NREP: variants seen among roughly 807,000 people sequenced by gnomAD.
The protein encoded by NREP is neuronal regeneration-related protein.
NREP carries 5 observed loss-of-function variants against 8.6 expected under a neutral mutation model. The observed-to-expected ratio is 0.58, with a 90% confidence interval of 0.30 to 1.22. NREP has a LOEUF of 1.22. NREP is among the 50% of genes most tolerant of loss of function. The probability of loss-of-function intolerance (pLI) is 0.07; values close to 1 mark genes in which losing one functional copy is unlikely to be tolerated. For missense variants in NREP, 86 were observed against 82.5 expected, an observed-to-expected ratio of 1.04 and a Z score of -0.17; for synonymous variants, 27 against 28.0, an observed-to-expected ratio of 0.96 and a Z score of 0.11.
intron 2 of NREP, among the ~76,000 whole-genome samples, chr5:111,806,546 G>A (rs1465304579): frequency 6.6e-6 from 1 of 152,138 alleles, no homozygotes; most frequent in Non-Finnish European, 1.5e-5. Flanking sequence ...TTGGGGGAGA[G>A]GTGAGTTACT....
intron 2 of NREP, among the ~76,000 whole-genome samples, chr5:111,781,171 A>C (rs1008608665): frequency 6.6e-6 from 1 of 152,022 alleles, no homozygotes; most frequent in Non-Finnish European, 1.5e-5. Flanking sequence ...GATAGGCCCC[A>C]GTGTCTGTTT....
intron 2 of NREP, among the ~76,000 whole-genome samples, chr5:111,778,183 A>C (rs952352592): frequency 6.6e-6 from 1 of 152,154 alleles, no homozygotes; most frequent in Admixed American, 6.5e-5. Context: ...TCCAGCCAGC[A>C]CATCAAACTC....
At chr5:111,830,155 T>C (rs181607985) in intron 2 of NREP, among the ~76,000 whole-genome samples, 4,520 of 151,170 alleles carry the variant, frequency 0.03, 143 homozygotes, top group East Asian at 0.12. Flanking sequence ...TTTCAGCTGT[T>C]TTTTTTGTTG....
At chr5:111,956,368 T>C (rs1342852063) in intron 2 of NREP, among the ~76,000 whole-genome samples, 1 of 152,092 alleles carries the variant, frequency 6.6e-6, no homozygotes, top group East Asian at 1.9e-4. Context: ...AAAATACTTT[T>C]TATGAAACCG....
intron 2 of NREP, among the ~76,000 whole-genome samples, chr5:111,855,060 G>T (rs1347924844): frequency 2.0e-5 from 3 of 151,448 alleles, no homozygotes; most frequent in Admixed American, 2.0e-4. Context: ...TGAATGAGTG[G>T]GTACATTTTT....
At chr5:111,941,477 T>C (rs555919984) in intron 2 of NREP, among the ~76,000 whole-genome samples, 1 of 152,212 alleles carries the variant, frequency 6.6e-6, no homozygotes, top group South Asian at 2.1e-4. Flanking sequence ...CATCTTCACA[T>C]GGTCTTTCCT....
chr5:111,877,935 G>T (rs1163030625), intron 2 of NREP, among the ~76,000 whole-genome samples: 1 of 152,172 alleles, frequency 6.6e-6, no homozygotes, highest in Admixed American at 6.5e-5. Context: ...GTGAAAGAGA[G>T]GGACAACTGA....
intron 2 of NREP, among the ~76,000 whole-genome samples, chr5:111,813,131 C>T (rs571823261): frequency 6.6e-6 from 1 of 152,196 alleles, no homozygotes; most frequent in East Asian, 1.9e-4. Flanking sequence ...CCTTATCAAG[C>T]CCATTTTATA....
At chr5:111,752,075 ATATTTTAGAAGTATATTTTCC>A (rs963660532) in intron 2 of NREP, among the ~76,000 whole-genome samples, 5 of 152,238 alleles carry the variant, frequency 3.3e-5, no homozygotes, top group African/African-American at 1.2e-4. Flanking sequence ...CAGAGTATTC[ATATTTTAGAAGTATATTTTCC>A]TATTTTAGAA....
In NREP at chr5:111,851,117, T is replaced by C. The variant is rs1034938501; in HGVS notation, c.136-115610A>G. 2.0e-5 allele frequency among the ~76,000 whole-genome samples: 3 copies of C among 152,206 alleles called. No individual in the cohort carries two copies. In the East Asian group the frequency reaches 5.8e-4, roughly 29 times the overall value. On this transcript the variant is annotated intron_variant, in intron 2 of 3. Coordinates refer to the NREP transcript ENST00000395634. ...GTCACAATGTCTAAGATATAGTTTCTTCTGCCTCAGGGTGACTATGCTCAG... is the reference window on the plus strand; with the variant it reads ...GTCACAATGTCTAAGATATAGTTTCCTCTGCCTCAGGGTGACTATGCTCAG...
At chr5:111,792,803 G>A (rs972767513) in intron 2 of NREP, among the ~76,000 whole-genome samples, 4 of 152,194 alleles carry the variant, frequency 2.6e-5, no homozygotes, top group African/African-American at 7.2e-5. Flanking sequence ...ATTTCTGCTG[G>A]TGATTCAACC....
At chr5:111,737,200 C>T (rs1320451410) in intron 2 of NREP, among the ~76,000 whole-genome samples, 1 of 152,158 alleles carries the variant, frequency 6.6e-6, no homozygotes, top group Non-Finnish European at 1.5e-5. Flanking sequence ...CTGACATTTC[C>T]TTTATCCAGG....
chr5:111,859,238 G>T (rs1753492869), intron 2 of NREP, among the ~76,000 whole-genome samples: 1 of 152,106 alleles, frequency 6.6e-6, no homozygotes, highest in Non-Finnish European at 1.5e-5. Flanking sequence ...AACAAAGATT[G>T]TTGTCTTTGG....
intron 2 of NREP, among the ~76,000 whole-genome samples, chr5:111,868,249 A>T (rs745898516): frequency 6.6e-6 from 1 of 152,140 alleles, no homozygotes; most frequent in Non-Finnish European, 1.5e-5. Flanking sequence ...CAACTAAAAA[A>T]AGTTATAGCT....
rs72786266 is a variant in NREP, at chr5:111,916,873, C to T, written c.135+58401G>A. Among the ~76,000 whole-genome samples, 1,037 of 151,992 alleles carry T rather than the reference C, an allele frequency of 6.8e-3. 7 individuals are homozygous for T. The highest frequency in any genetic ancestry group is 0.011 in the Non-Finnish European group (737 of 67,954). On this transcript the variant is annotated intron_variant, in intron 2 of 3. Transcript: ENST00000395634. ...TCTTGCCTCCTCAGAAGAAAGAACT[C>T]GACTGAGGGGCATGAGGCAGATAAA...
At chr5:111,773,071 T>A (rs1287515924) in intron 2 of NREP, among the ~76,000 whole-genome samples, 2 of 152,186 alleles carry the variant, frequency 1.3e-5, no homozygotes, top group African/African-American at 4.8e-5. Flanking sequence ...CTAGCTGTAA[T>A]CCCAACAGAC....
At chr5:111,889,196 A>G (rs895975805) in intron 2 of NREP, among the ~76,000 whole-genome samples, 33 of 152,196 alleles carry the variant, frequency 2.2e-4, no homozygotes, top group African/African-American at 6.8e-4. Flanking sequence ...GCTTCTGGGG[A>G]GGCCCCAGGA....
chr5:111,911,746 T>A (rs1008950670), intron 2 of NREP, among the ~76,000 whole-genome samples: 1 of 152,104 alleles, frequency 6.6e-6, no homozygotes, highest in Admixed American at 6.6e-5. Context: ...GACATAAAAA[T>A]AGACACCAAT....
chr5:111,781,474 T>C (rs990610428), intron 2 of NREP, among the ~76,000 whole-genome samples: 4 of 152,146 alleles, frequency 2.6e-5, no homozygotes, highest in African/African-American at 9.7e-5. Context: ...GTTCCCAGTC[T>C]TGGAGTTTTG....
Sources: allele counts gnomAD v4.1 joint callset (sites outside exome capture counted in the v4.1 genomes callset), GRCh38; gene constraint gnomAD v4.1.1; transcripts MANE v1.5; gene names NCBI Gene and HGNC (gene_info 2026-07-23, HGNC 2026-07-21).